ALK: variants seen among roughly 807,000 people sequenced by gnomAD.
The protein encoded by ALK is ALK receptor tyrosine kinase, also known as ALK tyrosine kinase receptor.
Under a neutral mutation model 163.1 loss-of-function variants are expected in ALK, and 74 were observed. The ratio of observed to expected loss-of-function variants is 0.45; its 90% confidence interval spans 0.38 to 0.55. The LOEUF (loss-of-function observed/expected upper bound fraction) is 0.55. Among genes scored for constraint, ALK ranks in the 20% least tolerant of loss-of-function variants. The pLI is 0.00. For missense variants in ALK, 2,063 were observed against 2,105.3 expected (o/e 0.98, Z 0.39); for synonymous variants, 960 against 843.2 (o/e 1.14, Z -2.40).
chr2:29,854,906 C>CTT (rs1213935711), intron 1 of ALK, among the ~76,000 whole-genome samples: 1 of 152,056 alleles, frequency 6.6e-6, no homozygotes, highest in Non-Finnish European at 1.5e-5. Context: ...TTATTTATGT[C>CTT]TTTATTTTAT....
At chr2:29,504,692 G>A (rs899828144) in intron 4 of ALK, among the ~76,000 whole-genome samples, 1 of 152,138 alleles carries the variant, frequency 6.6e-6, no homozygotes, top group African/African-American at 2.4e-5. Context: ...GGAGTAAAAT[G>A]GAGAAATGAG....
chr2:29,529,586 T>C (rs1673061107), intron 4 of ALK, among the ~76,000 whole-genome samples: 1 of 152,224 alleles, frequency 6.6e-6, no homozygotes, highest in South Asian at 2.1e-4. Context: ...AGTGCAAAGC[T>C]GGGCAAGTTT....
At chr2:29,752,312 T>C (rs1680388343) in intron 1 of ALK, among the ~76,000 whole-genome samples, 1 of 152,052 alleles carries the variant, frequency 6.6e-6, no homozygotes. Context: ...AGCTTACGTG[T>C]ATTCAATGCA....
chr2:29,381,650 C>T (rs1668899703), intron 5 of ALK, among the ~76,000 whole-genome samples: 1 of 152,224 alleles, frequency 6.6e-6, no homozygotes, highest in Non-Finnish European at 1.5e-5. Context: ...TCCTACAGTC[C>T]TGGCCAGTAA....
chr2:29,758,212 A>C (rs1265960662), intron 1 of ALK, among the ~76,000 whole-genome samples: 1 of 151,654 alleles, frequency 6.6e-6, no homozygotes, highest in African/African-American at 2.4e-5. Context: ...GGGTTTTGCT[A>C]TGTTGGCCAG....
chr2:29,278,347 G>C (rs1023252803), intron 9 of ALK, among the ~76,000 whole-genome samples: 47 of 152,192 alleles, frequency 3.1e-4, no homozygotes, highest in African/African-American at 1.1e-3. Context: ...AGAGCCACTG[G>C]AGGTTTCTAA....
At chr2:29,252,233 T>TG (rs2148198762) in intron 11 of ALK, among the ~76,000 whole-genome samples, 1 of 135,188 alleles carries the variant, frequency 7.4e-6, no homozygotes, top group African/African-American at 2.7e-5. Flanking sequence ...GACCAAACCT[T>TG]GGGGAGTTGT....
intron 1 of ALK, among the ~76,000 whole-genome samples, chr2:29,863,207 A>G (rs1666340585): frequency 1.3e-5 from 2 of 152,226 alleles, no homozygotes; most frequent in African/African-American, 4.8e-5. Flanking sequence ...CATTTGGGCA[A>G]TGTTTTCTTG....
At chr2:29,698,023 T>C (rs1558447702) in intron 2 of ALK, among the ~76,000 whole-genome samples, 1 of 152,212 alleles carries the variant, frequency 6.6e-6, no homozygotes, top group African/African-American at 2.4e-5. Flanking sequence ...TTCTATTGAG[T>C]GTCTTTCTGC....
chr2:29,594,907 G>C (rs1239428665), intron 3 of ALK, among the ~76,000 whole-genome samples: 1 of 84,360 alleles, frequency 1.2e-5, no homozygotes, highest in Non-Finnish European at 2.2e-5. Context: ...GGGGTGGGGG[G>C]CGGGGGGCAA....
At chr2:29,846,602 G>T (rs1318492812) in intron 1 of ALK, among the ~76,000 whole-genome samples, 1 of 152,108 alleles carries the variant, frequency 6.6e-6, no homozygotes, top group Admixed American at 6.5e-5. Flanking sequence ...AGAGACTCTG[G>T]TCAGTGCTGT....
intron 4 of ALK, among the ~76,000 whole-genome samples, chr2:29,499,295 C>G (rs1672108814): frequency 6.6e-6 from 1 of 152,106 alleles, no homozygotes; most frequent in South Asian, 2.1e-4. Flanking sequence ...CTCTCAGGTT[C>G]AAGTGATTCT....
chr2:29,680,212 T>C (rs901920584), intron 3 of ALK, among the ~76,000 whole-genome samples: 14 of 152,012 alleles, frequency 9.2e-5, no homozygotes, highest in Admixed American at 3.3e-4. Flanking sequence ...GATGTGCAAA[T>C]TGATTTTTTT....
At chr2:29,877,111 C>T (rs1185838213) in intron 1 of ALK, among the ~76,000 whole-genome samples, 1 of 152,222 alleles carries the variant, frequency 6.6e-6, no homozygotes, top group Admixed American at 6.5e-5. Flanking sequence ...GGATCAGTGT[C>T]TCCTTTGACT....
chr2:29,872,494 A>T (rs772136239), intron 1 of ALK, among the ~76,000 whole-genome samples: 4 of 152,244 alleles, frequency 2.6e-5, no homozygotes, highest in Non-Finnish European at 5.9e-5. Context: ...TGCTCAGAAC[A>T]CTTACATTAG....
At chr2:29,272,615 GC>G (rs1314829652) in intron 11 of ALK, among the ~76,000 whole-genome samples, 1 of 152,208 alleles carries the variant, frequency 6.6e-6, no homozygotes, top group Admixed American at 6.5e-5. Context: ...TCTAAAGCCT[GC>G]CCGGAGGAGA....
intron 4 of ALK, among the ~76,000 whole-genome samples, chr2:29,403,911 C>G (rs887258250): frequency 6.7e-6 from 1 of 149,466 alleles, no homozygotes; most frequent in African/African-American, 2.5e-5. Context: ...GACCCTGTCT[C>G]AAAAAAAAAA....
At chr2:29,795,332 TG>T (rs1482569602) in intron 1 of ALK, among the ~76,000 whole-genome samples, 1 of 152,182 alleles carries the variant, frequency 6.6e-6, no homozygotes, top group Non-Finnish European at 1.5e-5. Flanking sequence ...TGGCAAGTGT[TG>T]CGTGAGATAA....
At chr2:29,799,716 A>G (rs1664414064) in intron 1 of ALK, among the ~76,000 whole-genome samples, 2 of 152,232 alleles carry the variant, frequency 1.3e-5, no homozygotes, top group South Asian at 4.1e-4. Context: ...ATGTAAAACA[A>G]TATTTTAAGA....
Sources: gnomAD v4.1 joint callset for allele counts (sites outside exome capture counted in the v4.1 genomes callset) on GRCh38, gnomAD v4.1.1 for gene constraint, MANE v1.5 for transcripts, NCBI Gene and HGNC (gene_info 2026-07-23, HGNC 2026-07-21) for gene names.